GAB1: variants seen among roughly 807,000 people sequenced by gnomAD.
GAB1 encodes GRB2-associated-binding protein 1.
In GAB1, 19 loss-of-function variants were observed where a neutral mutation model predicts 66.5. The observed-to-expected ratio is 0.29, with a 90% CI of 0.20 to 0.42. The LOEUF (loss-of-function observed/expected upper bound fraction) is 0.42, where lower values mean the gene tolerates loss of function less well. Ranked by LOEUF, GAB1 falls within the 10% of genes least tolerant of loss-of-function variation. The pLI, the probability that GAB1 is intolerant of heterozygous loss-of-function variation, is 1.00. For missense variants in GAB1, 732 were observed against 858.5 expected, an observed-to-expected ratio of 0.85 and a Z score of 1.84; for synonymous variants, 294 against 301.4, an observed-to-expected ratio of 0.98 and a Z score of 0.25.
chr4:143,466,770 C>T (rs1735814871), intron 9 of GAB1, among the ~76,000 whole-genome samples: 1 of 152,058 alleles, frequency 6.6e-6, no homozygotes, highest in Non-Finnish European at 1.5e-5. Context: ...GGATTACAGG[C>T]AGGAGCCACT....
At chr4:143,338,685 TC>T (rs1728733224) in intron 1 of GAB1, among the ~76,000 whole-genome samples, 1 of 145,028 alleles carries the variant, frequency 6.9e-6, no homozygotes, top group African/African-American at 2.6e-5. Context: ...TGTTTTTTTT[TC>T]CAGCTGTTCT....
At chr4:143,352,240 T>C (rs1729256599) in intron 1 of GAB1, among the ~76,000 whole-genome samples, 1 of 152,242 alleles carries the variant, frequency 6.6e-6, no homozygotes, top group African/African-American at 2.4e-5. Context: ...GCCACCCAGC[T>C]TGTTTACTTT....
intron 1 of GAB1, among the ~76,000 whole-genome samples, chr4:143,339,935 A>T (rs927382221): frequency 2.0e-5 from 3 of 152,194 alleles, no homozygotes; most frequent in African/African-American, 7.2e-5. Flanking sequence ...CCACGAATAA[A>T]GTAGATGGAG....
chr4:143,433,644 T>C lies in GAB1; in HGVS notation c.521T>C (p.Leu174Pro), dbSNP rs760022883. The change falls in exon 3 of 10, where the codon CTT (leucine) becomes CCT (proline). Residue 174 changes from leucine to proline, a missense_variant. Coordinates refer to ENST00000262994, the MANE Select transcript of GAB1 (RefSeq NM_002039.4). ...AATGTTCCACCACACCTGGAAACTC[T>C]TGGCATTCAGGAGGATCCTCAAGAC... ...LINVPPHLET[L>P]GIQEDPQDYL... is the part of the protein sequence containing the mutation. The C allele has an allele frequency of 3.7e-6, 6 of 1,614,014 alleles. No homozygotes were observed. The highest frequency in any genetic ancestry group is 1.1e-5 in the South Asian group (1 of 91,084).
intron 1 of GAB1, among the ~76,000 whole-genome samples, chr4:143,377,347 G>C (rs1296583782): frequency 2.6e-5 from 4 of 152,188 alleles, no homozygotes; most frequent in African/African-American, 4.8e-5. Context: ...GCTTTTGTTG[G>C]GGGGAGGGTT....
intron 1 of GAB1, among the ~76,000 whole-genome samples, chr4:143,355,437 AC>A (rs891847688): frequency 5.3e-5 from 8 of 151,826 alleles, no homozygotes; most frequent in African/African-American, 1.9e-4. Context: ...AAACAAAACA[AC>A]AACAACAACA....
At chr4:143,381,129 A>C (rs1203174604) in intron 1 of GAB1, among the ~76,000 whole-genome samples, 1 of 152,228 alleles carries the variant, frequency 6.6e-6, no homozygotes, top group Non-Finnish European at 1.5e-5. Context: ...ACATACAAAC[A>C]GATTTAGTTC....
chr4:143,449,410 A>G (rs1043528093), intron 6 of GAB1, among the ~76,000 whole-genome samples: 7 of 151,626 alleles, frequency 4.6e-5, no homozygotes, highest in Non-Finnish European at 7.4e-5. Flanking sequence ...TCCCATTATT[A>G]TTGTGTGGGA....
rs1326575784 is a variant in GAB1, at chr4:143,472,340, T to C, written c.*3151T>C. ...TTAATTTGATATAGAAATACTACTT[T>C]ACTTGTACATTAAGGTCATAATTTC... On this transcript the variant is annotated 3_prime_UTR_variant, in exon 10 of 10. Coordinates refer to ENST00000262994, the MANE Select transcript of GAB1 (RefSeq NM_002039.4). The C allele has an allele frequency of 6.6e-6, 1 of 152,172 alleles. No individual in the cohort carries two copies. The highest frequency in any genetic ancestry group is 1.5e-5 in the Non-Finnish European group (1 of 68,008). 9.4% of individuals were successfully genotyped at this position (152,172 alleles called of 1,614,324 possible).
At chr4:143,384,342 T>TA (rs1194032486) in intron 1 of GAB1, among the ~76,000 whole-genome samples, 1 of 152,250 alleles carries the variant, frequency 6.6e-6, no homozygotes, top group Non-Finnish European at 1.5e-5. Flanking sequence ...TTTATCGCAT[T>TA]AAAAAAGTGA....
chr4:143,389,604 T>C (rs893480692), intron 1 of GAB1, among the ~76,000 whole-genome samples: 3 of 152,202 alleles, frequency 2.0e-5, no homozygotes, highest in Non-Finnish European at 4.4e-5. Context: ...ATAAGACAAT[T>C]TGTTCTGGAA....
At chr4:143,412,807 C>A (rs1185872380) in intron 1 of GAB1, among the ~76,000 whole-genome samples, 2 of 151,868 alleles carry the variant, frequency 1.3e-5, no homozygotes, top group African/African-American at 2.4e-5. Flanking sequence ...CTCCTATAAA[C>A]CCTATTATTG....
chr4:143,373,114 T>C (rs999041957), intron 1 of GAB1, among the ~76,000 whole-genome samples: 1 of 152,106 alleles, frequency 6.6e-6, no homozygotes, highest in Non-Finnish European at 1.5e-5. Context: ...TGAGCTAGGC[T>C]GTAAAGCCAG....
At chr4:143,433,857 T>A (rs1489599919) in intron 3 of GAB1, 141 bp downstream of exon 3, 1 of 698,972 alleles carries the variant, frequency 1.4e-6, no homozygotes, top group African/African-American at 1.8e-5. Flanking sequence ...TTTCAGGCTT[T>A]ATATTTCAGG....
intron 1 of GAB1, among the ~76,000 whole-genome samples, chr4:143,377,592 A>T (rs974930057): frequency 6.6e-6 from 1 of 152,176 alleles, no homozygotes; most frequent in African/African-American, 2.4e-5. Context: ...TTATGATATT[A>T]TGCTAATTTA....
Position 143,471,368 on chromosome 4 carries a change from A to G in GAB1, c.*2179A>G, listed in dbSNP as rs1736073762. The G allele has an allele frequency of 1.3e-5, 2 of 152,218 alleles. No homozygotes were observed. The highest frequency in any genetic ancestry group is 4.1e-4 in the South Asian group (2 of 4,838). The allele number at this position is 152,218 out of a possible 1,614,324, so 9.4% of individuals were successfully genotyped here. A position where few individuals can be genotyped will look rare whatever the true frequency, so the allele number is the denominator to read the frequency against. On this transcript the variant is annotated 3_prime_UTR_variant, in exon 10 of 10. Coordinates refer to ENST00000262994, the MANE Select transcript of GAB1 (RefSeq NM_002039.4). The stretch of plus-strand genomic sequence containing the variant: ...ACTAAATCACATTGAACATTGTATT[A>G]GAGAATTAAATTAAAAGTTTCTTAC...
chr4:143,339,447 G>T (rs1728758058), intron 1 of GAB1, among the ~76,000 whole-genome samples: 1 of 152,232 alleles, frequency 6.6e-6, no homozygotes, highest in Non-Finnish European at 1.5e-5. Context: ...GGAGGTGGAG[G>T]TTGCAGTGAG....
chr4:143,447,686 A>G (rs894653725), intron 6 of GAB1, among the ~76,000 whole-genome samples: 10 of 152,178 alleles, frequency 6.6e-5, no homozygotes, highest in African/African-American at 9.6e-5. Context: ...GGAGATTTTG[A>G]GCTGAGACAA....
chr4:143,448,701 C>T (rs1328733363), intron 6 of GAB1, among the ~76,000 whole-genome samples: 1 of 151,698 alleles, frequency 6.6e-6, no homozygotes, highest in East Asian at 1.9e-4. Flanking sequence ...ATTAGTCTTT[C>T]TAGCAGTCTA....
Sources: gnomAD v4.1 joint callset for allele counts (sites outside exome capture counted in the v4.1 genomes callset) on GRCh38, gnomAD v4.1.1 for gene constraint, MANE v1.5 for transcripts, NCBI Gene and HGNC (gene_info 2026-07-23, HGNC 2026-07-21) for gene names.